ETV4: variants seen among roughly 807,000 people sequenced by gnomAD.
ETV4 encodes the protein ETS variant transcription factor 4, also known as ETS translocation variant 4.
Under a neutral mutation model 65.9 loss-of-function variants are expected in ETV4, and 42 were observed. That is an observed-to-expected ratio of 0.64 (90% CI 0.50 to 0.82). The LOEUF is 0.82. ETV4 is among the 40% of genes least tolerant of loss of function. The pLI, the probability that ETV4 is intolerant of heterozygous loss-of-function variation, is 0.00. For synonymous variants in ETV4, 238 were observed against 260.0 expected (o/e 0.92, Z 0.81); for missense variants, 583 against 630.3 (o/e 0.92, Z 0.80).
rs1362769510 is a variant in ETV4, at chr17:43,529,881, G to A, written c.955+3C>T. 2.5e-6 allele frequency: 4 copies of A among 1,614,106 alleles called. No individual in the cohort carries two copies. Among genetic ancestry groups the A allele is most frequent in the Non-Finnish European group, 3.4e-6 (4 of 1,180,004 alleles). On this transcript the variant is annotated splice_donor_region_variant and intron_variant, in intron 10 of 12. Transcript: ENST00000319349. ...CCCTCCCATCAACAGTCACTTCTCT[G>A]ACCTTCAAATTTCTCAGGGACAACG...
Position 43,545,648 on chromosome 17 carries a change from G to A in ETV4, c.-31C>T, listed in dbSNP as rs1220987991. 1.0e-5 allele frequency: 16 copies of A among 1,548,658 alleles called. No homozygotes were observed. The highest frequency in any genetic ancestry group is 1.4e-5 in the Non-Finnish European group (16 of 1,146,236). ...CGCTCCCTCCGGCCGCACGGCCGGG[G>A]CCCCAAGCGGGGGCCGAGACCTGGT... On this transcript the variant is annotated 5_prime_UTR_variant, in exon 2 of 13. Coordinates refer to ENST00000319349, the MANE Select transcript of ETV4 (RefSeq NM_001079675.5).
chr17:43,533,197 C>T lies in ETV4; in HGVS notation c.535G>A (p.Gly179Arg), dbSNP rs374807016. The part of the protein sequence containing the change: ...SQPHPGHGYL[G>R]EHSSVFQQPL... ...TCCCTGTCTCCTTACCTATGTTCCC[C>T]GAGGTACCCATGGCCAGGGTGGGGC... is the stretch of plus-strand genomic sequence containing the variant. The change falls in exon 7 of 13, where the codon GGG becomes AGG. Residue 179 changes from glycine (G) to arginine (R), a missense_variant. Physicochemically the swap from Gly to Arg is moderately radical, Grantham distance 125. Transcript: ENST00000319349. 26 of 1,613,352 alleles carry T rather than the reference C, an allele frequency of 1.6e-5. No homozygotes were observed. The highest frequency in any genetic ancestry group is 2.7e-5 in the African/African-American group (2 of 74,712).
chr17:43,534,101 C>T (rs1404589852), intron 5 of ETV4, 116 bp from the exon 6 acceptor site: 5 of 1,142,580 alleles, frequency 4.4e-6, no homozygotes, highest in African/African-American at 1.6e-5. Context: ...AGCCTCCTTC[C>T]CTCTCTGGGT....
chr17:43,530,137 A>G lies in ETV4; in HGVS notation c.856T>C (p.Ser286Pro), dbSNP rs1195616438. Residue 286 changes from serine (S) to proline (P), a missense_variant, in exon 9 of 13, where the codon TCT becomes CCT. By Grantham distance (74) the Ser-to-Pro change is moderately conservative (BLOSUM62 -1). Transcript: ENST00000319349. ...ASMYLHTEGF[S>P]GPSPGDGAMG... The stretch of plus-strand genomic sequence containing the variant: ...GCCCCGTCACCTGGAGAGGGCCCAG[A>G]GAAGCCCTCTGTGTGGAGGTACATT... 1.3e-6 allele frequency: 2 copies of G among 1,569,296 alleles called. No individual in the cohort carries two copies. The highest frequency in any genetic ancestry group is 1.4e-5 in the African/African-American group (1 of 73,528).
chr17:43,530,487 G>C (rs886703075), intron 8 of ETV4: 6 of 1,272,606 alleles, frequency 4.7e-6, no homozygotes, highest in Admixed American at 3.6e-5. Flanking sequence ...GCGAGTTCAG[G>C]GGGAGGAGGG....
In ETV4 at chr17:43,529,813, C is replaced by A. The variant is rs556473066; in HGVS notation, c.955+71G>T. 1,363 of 1,600,946 alleles carry A rather than the reference C, an allele frequency of 8.5e-4. 1 individual carries two copies. Among genetic ancestry groups the A allele is most frequent in the Non-Finnish European group, 1.1e-3 (1,267 of 1,168,334 alleles). On this transcript the variant is annotated intron_variant, in intron 10 of 12. Transcript: ENST00000319349. ...GTCCCACCCTCTTGCAACAATGAAA[C>A]GTGATGTGACTCCTGCAGGGACACA...
intron 4 of ETV4, 141 bp from the exon 5 acceptor site, chr17:43,536,620 T>G (rs868528811): frequency 1.5e-6 from 1 of 671,472 alleles, no homozygotes; most frequent in African/African-American, 1.8e-5. Flanking sequence ...ATTGTAAGAA[T>G]TGTCTTGGGC....
At position 43,532,787 on chromosome 17, in the gene ETV4, A is replaced by G; in HGVS notation, c.698T>C (p.Leu233Pro). 6.2e-7 allele frequency: 1 copy of G among 1,613,874 alleles called. No individual in the cohort carries two copies. The highest frequency in any genetic ancestry group is 1.1e-5 in the South Asian group (1 of 91,066). Residue 233 changes from leucine (L) to proline (P), a missense_variant, in exon 8 of 13, where the codon CTG (leucine) becomes CCG (proline). By Grantham distance (98) the Leu-to-Pro change is moderately conservative. Transcript: ENST00000319349. ...QSFKQEYHDP[L>P]YEQAGQPAVD... ...GGCTGGCTGGCCCGCCTGTTCATAC[A>G]GGGGATCATGGTATTCTTGCTTAAA...
intron 2 of ETV4, 72 bp from the exon 3 acceptor site, chr17:43,545,439 C>T: frequency 1.7e-6 from 2 of 1,198,564 alleles, no homozygotes; most frequent in Admixed American, 2.7e-5. Flanking sequence ...TTGGGGTCCT[C>T]GGGTGACTCA....
chr17:43,545,877 G>A, intron 1 of ETV4: 1 of 587,494 alleles, frequency 1.7e-6, no homozygotes, highest in Non-Finnish European at 3.0e-6. Flanking sequence ...CCAGGAGCCG[G>A]GCTCGCCGTT....
intron 4 of ETV4, among the ~76,000 whole-genome samples, chr17:43,537,227 G>A (rs1432680161): frequency 3.3e-5 from 5 of 152,024 alleles, no homozygotes; most frequent in African/African-American, 9.7e-5. Context: ...TTAGCTGGTC[G>A]TGTTGGCGGG....
intron 4 of ETV4, among the ~76,000 whole-genome samples, chr17:43,539,357 C>T (rs978900380): frequency 4.6e-5 from 7 of 152,186 alleles, no homozygotes; most frequent in Admixed American, 3.9e-4. Flanking sequence ...ACTTTGACAT[C>T]TCTGGAGAGG....
At position 43,533,324 on chromosome 17, in the gene ETV4, G is replaced by A. The variant is rs747958996; in HGVS notation, c.408C>T (p.Ile136=). The A allele has an allele frequency of 2.0e-5, 33 of 1,613,610 alleles. No individual in the cohort carries two copies. The highest frequency in any genetic ancestry group is 2.3e-5 in the Non-Finnish European group (27 of 1,179,774). Residue 136 remains isoleucine (I), a synonymous_variant, in exon 7 of 13, where the codon ATC becomes ATT. Coordinates refer to ENST00000319349, the MANE Select transcript of ETV4 (RefSeq NM_001079675.5). The stretch of plus-strand genomic sequence containing the variant: ...CACCAGGGGCAGGGGACTTGATGGC[G>A]ATTTGTCTGGGGGGGTCATAGGCAC... ...YSSAYDPPRQ[I]AIKSPAPGAL...
chr17:43,532,296 C>T (rs563354684), intron 8 of ETV4, among the ~76,000 whole-genome samples: 3 of 152,110 alleles, frequency 2.0e-5, no homozygotes, highest in Admixed American at 1.3e-4. Flanking sequence ...GTCAGGAGTT[C>T]GAGACCATCC....
At chr17:43,532,392 G>T (rs1460838871) in intron 8 of ETV4, among the ~76,000 whole-genome samples, 1 of 152,044 alleles carries the variant, frequency 6.6e-6, no homozygotes, top group Non-Finnish European at 1.5e-5. Context: ...CCAGGTACTC[G>T]GGAGGCTGAG....
intron 6 of ETV4, 37 bp downstream of exon 6, chr17:43,533,822 T>C (rs1971090473): frequency 1.2e-6 from 2 of 1,604,152 alleles, no homozygotes; most frequent in Non-Finnish European, 8.5e-7. Flanking sequence ...TCTGGAACCC[T>C]TCTCCTACCC....
intron 7 of ETV4, 68 bp downstream of exon 7, chr17:43,533,119 T>C (rs529463409): frequency 2.2e-5 from 35 of 1,578,452 alleles, no homozygotes; most frequent in Non-Finnish European, 2.8e-5. Context: ...CTCAAGTCTT[T>C]ATGGAGAACA....
rs1351564527 is a variant in ETV4 at position 43,532,925 on chromosome 17, T to C, written c.560A>G (p.Gln187Arg). Residue 187 changes from glutamine (Q) to arginine (R), a missense_variant, in exon 8 of 13, where the codon CAG (glutamine) becomes CGG (arginine). By Grantham distance (43) the Gln-to-Arg change is conservative. Coordinates refer to ENST00000319349, the MANE Select transcript of ETV4 (RefSeq NM_001079675.5). The stretch of plus-strand genomic sequence containing the variant: ...GAAGGAGTGGCAAATGTCCAGGGGC[T>C]GCTGGAAGACGGAGCTGGATGTGGT... Reference protein sequence around the residue: ...YLGEHSSVFQQPLDICHSFTS... With the variant: ...YLGEHSSVFQRPLDICHSFTS... 6.4e-7 allele frequency: 1 copy of C among 1,573,754 alleles called. No homozygotes were observed.
chr17:43,545,339 T>A lies in ETV4; in HGVS notation c.89A>T (p.Glu30Val), dbSNP rs1049573421. 7 of 1,605,756 alleles carry A rather than the reference T, an allele frequency of 4.4e-6. No individual in the cohort carries two copies. Among genetic ancestry groups the A allele is most frequent in the Non-Finnish European group, 1.7e-6 (2 of 1,176,114 alleles). ...SKSPGNGSLR[E>V]ALIGPLGKLM... ...CTTCCCCAGCGGGCCGATCAGCGCT[T>A]CGCGCAAGCTCCCATTTCCGGGCGA... The change falls in exon 3 of 13, where the codon GAA becomes GTA. Residue 30 changes from glutamate to valine, a missense_variant. Coordinates refer to ENST00000319349, the MANE Select transcript of ETV4 (RefSeq NM_001079675.5).
Sources: gnomAD v4.1 joint callset for allele counts (sites outside exome capture counted in the v4.1 genomes callset) on GRCh38, gnomAD v4.1.1 for gene constraint, MANE v1.5 for transcripts, NCBI Gene and HGNC (gene_info 2026-07-23, HGNC 2026-07-21) for gene names.